The following LYZL1 variants were observed in gnomAD, a reference collection of about 807,000 sequenced individuals.
The protein encoded by LYZL1 is lysozyme like 1.
Under a neutral mutation model 17.9 loss-of-function variants are expected in LYZL1, and 16 were observed. The ratio of observed to expected loss-of-function variants is 0.90; its 90% CI spans 0.61 to 1.36. The LOEUF (loss-of-function observed/expected upper bound fraction) is 1.36. LYZL1 is among the 40% of genes most tolerant of loss of function. The probability of loss-of-function intolerance (pLI) is 0.00; values close to 1 mark genes in which losing one functional copy is unlikely to be tolerated. For synonymous variants in LYZL1, 58 were observed against 71.8 expected, an observed-to-expected ratio of 0.81 and a Z score of 0.97; for missense variants, 149 against 188.4, an observed-to-expected ratio of 0.79 and a Z score of 1.22.
chr10:29,307,073 C>G (rs1835606268), intron 3 of LYZL1, among the ~76,000 whole-genome samples: 1 of 152,076 alleles, frequency 6.6e-6, no homozygotes. Context: ...AGGTTGGTCT[C>G]AAACTCCTGA....
intron 3 of LYZL1, among the ~76,000 whole-genome samples, chr10:29,309,403 A>G (rs1468347158): frequency 6.6e-6 from 1 of 152,210 alleles, no homozygotes; most frequent in Non-Finnish European, 1.5e-5. Flanking sequence ...ACAATATGAA[A>G]TGACAATAGA....
At chr10:29,292,032 C>T (rs28733628) in intron 2 of LYZL1, 26 bp downstream of exon 2, 236,528 of 961,082 alleles carry the variant, frequency 0.25, 81,598 homozygotes, top group East Asian at 0.42. Context: ...TCCTGCTCTC[C>T]TTCTGTCCTT....
intron 3 of LYZL1, among the ~76,000 whole-genome samples, chr10:29,308,536 C>T (rs1230250178): frequency 1.3e-5 from 2 of 152,222 alleles, no homozygotes; most frequent in African/African-American, 4.8e-5. Context: ...TGGACTTTTA[C>T]ATTTTATTTG....
chr10:29,294,822 A>G (rs1007636764), intron 3 of LYZL1, among the ~76,000 whole-genome samples: 1 of 152,214 alleles, frequency 6.6e-6, no homozygotes. Context: ...AACCCTGTAT[A>G]TACTATGATT....
intron 3 of LYZL1, among the ~76,000 whole-genome samples, chr10:29,303,887 T>C (rs1052821512): frequency 3.3e-5 from 5 of 152,222 alleles, no homozygotes; most frequent in African/African-American, 1.2e-4. Flanking sequence ...CGTGACGTTA[T>C]ATGCATGTAC....
At chr10:29,306,357 C>T (rs1198440731) in intron 3 of LYZL1, among the ~76,000 whole-genome samples, 2 of 137,760 alleles carry the variant, frequency 1.5e-5, no homozygotes, top group Admixed American at 1.4e-4. Flanking sequence ...GAGACCATCC[C>T]GGCTAAAACG....
intron 3 of LYZL1, among the ~76,000 whole-genome samples, chr10:29,298,827 A>C (rs1271626921): frequency 1.3e-5 from 2 of 152,178 alleles, no homozygotes; most frequent in Non-Finnish European, 2.9e-5. Flanking sequence ...ACCAGTTTGC[A>C]GAAGACCAAT....
downstream of LYZL1, among the ~76,000 whole-genome samples, chr10:29,316,101 T>C (rs1341848742): frequency 6.6e-6 from 1 of 152,178 alleles, no homozygotes; most frequent in Non-Finnish European, 1.5e-5. Flanking sequence ...AGAGGAGTCA[T>C]GGCCAGGGAG....
chr10:29,298,623 A>C (rs969625978), intron 3 of LYZL1, among the ~76,000 whole-genome samples: 1 of 152,172 alleles, frequency 6.6e-6, no homozygotes, highest in Non-Finnish European at 1.5e-5. Context: ...AAAAAGGATA[A>C]ACTAAAACAA....
chr10:29,306,664 G>A (rs375398682), intron 3 of LYZL1, among the ~76,000 whole-genome samples: 5 of 151,404 alleles, frequency 3.3e-5, no homozygotes, highest in African/African-American at 9.7e-5. Flanking sequence ...CTTTAGTGAG[G>A]TATAATTGAC....
At chr10:29,295,148 TA>T (rs1835431264) in intron 3 of LYZL1, among the ~76,000 whole-genome samples, 1 of 152,214 alleles carries the variant, frequency 6.6e-6, no homozygotes, top group Non-Finnish European at 1.5e-5. Context: ...CTAACATTGA[TA>T]AAGAATGATC....
At chr10:29,314,279 T>C (rs1835704632), downstream of LYZL1, among the ~76,000 whole-genome samples, 1 of 152,180 alleles carries the variant, frequency 6.6e-6, no homozygotes, top group South Asian at 2.1e-4. Context: ...TGTAAGCTCT[T>C]TGAGGCCTGG....
In LYZL1 at chr10:29,292,499, T is replaced by C; in HGVS notation, c.140-20T>C. 2 of 1,610,794 alleles carry C rather than the reference T, an allele frequency of 1.2e-6. No individual in the cohort carries two copies. Among genetic ancestry groups the C allele is most frequent in the Non-Finnish European group, 1.7e-6 (2 of 1,178,558 alleles). ...AAGATGCACTTCCTTTGCTGGCGTT[T>C]CTGGCTTTCCCCCCTCCAGGGATCT... is the stretch of plus-strand genomic sequence containing the variant. On this transcript the variant is annotated intron_variant, in intron 2 of 4. Coordinates refer to ENST00000649382, the MANE Select transcript of LYZL1 (RefSeq NM_032517.6).
intron 3 of LYZL1, among the ~76,000 whole-genome samples, chr10:29,308,251 G>A (rs1835623047): frequency 6.6e-6 from 1 of 152,156 alleles, no homozygotes; most frequent in African/African-American, 2.4e-5. Flanking sequence ...CCCTTCCGGG[G>A]TGACCCACAC....
chr10:29,318,124 T>A, intron 4 of LYZL1: 1 of 984,596 alleles, frequency 1.0e-6, no homozygotes, highest in Non-Finnish European at 1.2e-6. Flanking sequence ...AGAAACCACC[T>A]GAAACTGAGG....
chr10:29,291,233 T>TA (rs1172652235), intron 1 of LYZL1, among the ~76,000 whole-genome samples: 2 of 152,240 alleles, frequency 1.3e-5, no homozygotes, highest in Non-Finnish European at 2.9e-5. Context: ...ACTGGATTCT[T>TA]ACAATAAAGT....
intron 3 of LYZL1, among the ~76,000 whole-genome samples, chr10:29,299,913 T>C (rs1192242468): frequency 6.6e-6 from 1 of 152,236 alleles, no homozygotes; most frequent in East Asian, 1.9e-4. Context: ...GATTAAACCA[T>C]AGGTCAGCAA....
At chr10:29,290,387 C>G (rs1835345702) in intron 1 of LYZL1, among the ~76,000 whole-genome samples, 1 of 152,196 alleles carries the variant, frequency 6.6e-6, no homozygotes, top group African/African-American at 2.4e-5. Context: ...GCAGGGGTCT[C>G]TTTATTGCCC....
chr10:29,309,394 C>T (rs1835640593), intron 3 of LYZL1, among the ~76,000 whole-genome samples: 1 of 152,064 alleles, frequency 6.6e-6, no homozygotes, highest in Non-Finnish European at 1.5e-5. Context: ...TTTTAAGGCA[C>T]AATATGAAAT....
Sources: gnomAD v4.1 joint callset for allele counts (sites outside exome capture counted in the v4.1 genomes callset) on GRCh38, gnomAD v4.1.1 for gene constraint, MANE v1.5 for transcripts, NCBI Gene and HGNC (gene_info 2026-07-23, HGNC 2026-07-21) for gene names.